The following AKAP9 variants were observed in gnomAD, a reference collection of about 807,000 sequenced individuals.
The protein encoded by AKAP9 is A-kinase anchoring protein 9, also known as A-kinase anchor protein 9.
A neutral mutation model predicts 488.5 loss-of-function variants in AKAP9; 311 were observed. The observed-to-expected ratio is 0.64, with a 90% CI of 0.58 to 0.70. AKAP9 has a LOEUF of 0.70. Ranked by LOEUF, AKAP9 falls within the 30% of genes least tolerant of loss-of-function variation. The probability of loss-of-function intolerance (pLI) is 0.00; values close to 1 mark genes in which losing one functional copy is unlikely to be tolerated. For missense variants in AKAP9, 4,215 were observed against 4,374.5 expected, an observed-to-expected ratio of 0.96 and a Z score of 1.03; for synonymous variants, 1,462 against 1,483.5, an observed-to-expected ratio of 0.99 and a Z score of 0.33.
chr7:91,952,162 A>G (rs909654172), intron 1 of AKAP9, among the ~76,000 whole-genome samples: 1 of 152,186 alleles, frequency 6.6e-6, no homozygotes, highest in Non-Finnish European at 1.5e-5. Flanking sequence ...AGTCAGTGGG[A>G]ATTCAGAGAT....
Position 92,077,885 on chromosome 7 carries a change from TTTAAAATTGA to T in AKAP9, c.6945+14_6945+23del. On this transcript the variant is annotated intron_variant, in intron 30 of 49. Coordinates refer to ENST00000356239, the MANE Select transcript of AKAP9 (RefSeq NM_005751.5). The stretch of plus-strand genomic sequence containing the variant: ...TACAACAGATAACAAGGTATACTCA[TTTAAAATTGA>T]TTATGAAATTAATATGAACCAGAGT... 1 of 1,594,746 alleles carries T rather than the reference TTTAAAATTGA, an allele frequency of 6.3e-7. No homozygotes were observed. Among genetic ancestry groups the T allele is most frequent in the Non-Finnish European group, 8.6e-7 (1 of 1,165,988 alleles).
intron 16 of AKAP9, among the ~76,000 whole-genome samples, chr7:92,032,364 C>T (rs545422601): frequency 3.3e-5 from 5 of 152,058 alleles, no homozygotes; most frequent in South Asian, 2.1e-4. Context: ...GGCGTGGTGA[C>T]GCATGTCTGT....
chr7:91,964,471 A>G (rs1435561623), intron 1 of AKAP9, among the ~76,000 whole-genome samples: 1 of 152,168 alleles, frequency 6.6e-6, no homozygotes, highest in Non-Finnish European at 1.5e-5. Context: ...CTGATCCAGT[A>G]TTAAAAACAT....
Position 92,070,029 on chromosome 7 carries a change from G to A in AKAP9, c.6331-1G>A. The A allele has an allele frequency of 6.2e-7, 1 of 1,612,118 alleles. No individual in the cohort carries two copies. Among genetic ancestry groups the A allele is most frequent in the Non-Finnish European group, 8.5e-7 (1 of 1,179,530 alleles). On this transcript the variant is annotated splice_acceptor_variant, in intron 26 of 49. Coordinates refer to ENST00000356239, the MANE Select transcript of AKAP9 (RefSeq NM_005751.5). LOFTEE classifies it high-confidence loss of function. ...TAAATTTTTTGCCTCTTATATTTCA[G>A]GTTGAACAGTTAGCAAATCATCTGA...
chr7:92,025,174 G>C (rs1802924622), intron 14 of AKAP9, among the ~76,000 whole-genome samples: 1 of 152,224 alleles, frequency 6.6e-6, no homozygotes, highest in East Asian at 1.9e-4. Flanking sequence ...TAATTAGGAA[G>C]AACTTTCTAA....
intron 44 of AKAP9, 134 bp from the exon 45 acceptor site, chr7:92,100,722 A>T: frequency 1.0e-6 from 1 of 956,262 alleles, no homozygotes. Flanking sequence ...CGTAATGTCA[A>T]TTGAGATTGG....
intron 3 of AKAP9, among the ~76,000 whole-genome samples, chr7:91,982,415 C>G (rs1052964744): frequency 6.6e-6 from 1 of 151,836 alleles, no homozygotes; most frequent in Non-Finnish European, 1.5e-5. Flanking sequence ...ATGTTCAATT[C>G]CCACCTATGA....
chr7:91,963,520 A>ACACC (rs1794030028), intron 1 of AKAP9, among the ~76,000 whole-genome samples: 1 of 150,280 alleles, frequency 6.7e-6, no homozygotes, highest in Non-Finnish European at 1.5e-5. Context: ...ACACACACAC[A>ACACC]CACACACATA....
At chr7:91,962,137 A>G (rs1000731610) in intron 1 of AKAP9, among the ~76,000 whole-genome samples, 1 of 152,176 alleles carries the variant, frequency 6.6e-6, no homozygotes, top group African/African-American at 2.4e-5. Context: ...TCAGTATAAG[A>G]TGATTACCTA....
chr7:92,021,898 G>A (rs1802368197), intron 12 of AKAP9, among the ~76,000 whole-genome samples: 1 of 152,110 alleles, frequency 6.6e-6, no homozygotes, highest in Admixed American at 6.5e-5. Context: ...AATTTATTAT[G>A]TATGAATTGA....
intron 22 of AKAP9, among the ~76,000 whole-genome samples, chr7:92,057,219 A>T (rs939529519): frequency 2.6e-5 from 4 of 152,128 alleles, no homozygotes; most frequent in African/African-American, 7.2e-5. Context: ...TGCTTGAAAG[A>T]TGAGTAATAT....
chr7:91,996,394 C>G (rs933985097), intron 7 of AKAP9, among the ~76,000 whole-genome samples: 2 of 152,108 alleles, frequency 1.3e-5, no homozygotes, highest in African/African-American at 4.8e-5. Flanking sequence ...AAAGGGAAAT[C>G]AAGGTTCAGA....
chr7:92,060,869 G>A (rs981613883), intron 22 of AKAP9, among the ~76,000 whole-genome samples: 1 of 152,052 alleles, frequency 6.6e-6, no homozygotes, highest in African/African-American at 2.4e-5. Context: ...AATACTAAAT[G>A]TAGAAGAAAG....
chr7:92,098,980 AC>A (rs1817097641), intron 43 of AKAP9, among the ~76,000 whole-genome samples: 1 of 152,152 alleles, frequency 6.6e-6, no homozygotes, highest in Admixed American at 6.5e-5. Context: ...GGGGAAATGT[AC>A]CCCATAGTGA....
At chr7:92,064,265 G>A (rs1390882128) in intron 24 of AKAP9, among the ~76,000 whole-genome samples, 1 of 151,946 alleles carries the variant, frequency 6.6e-6, no homozygotes, top group East Asian at 1.9e-4. Context: ...TGTTTTAAAA[G>A]GAAAGCTGTT....
At position 91,995,883 on chromosome 7, in the gene AKAP9, G is replaced by C. The variant is rs566494216; in HGVS notation, c.930+83G>C. 9.3e-5 allele frequency: 93 copies of C among 1,002,876 alleles called. No individual in the cohort carries two copies. In the East Asian group the frequency reaches 2.1e-3, roughly 23 times the overall value. The allele number at this position is 1,002,876 out of a possible 1,614,324, so 62.1% of individuals were successfully genotyped here. A position where few individuals can be genotyped will look rare whatever the true frequency, so the allele number is the denominator to read the frequency against. On this transcript the variant is annotated intron_variant, in intron 7 of 49. Transcript: ENST00000356239. The stretch of plus-strand genomic sequence containing the variant: ...TTATGCAAGTGGTTTTTTTTTGTTA[G>C]GCACATGAATCACAAAATTTCATAA...
At position 92,102,680 on chromosome 7, in the gene AKAP9, G is replaced by A. The variant is rs763312542; in HGVS notation, c.11184G>A (p.Gly3728=). Residue 3728 remains glycine (G), a synonymous_variant, in exon 46 of 50, where the codon GGG becomes GGA. Coordinates refer to ENST00000356239, the MANE Select transcript of AKAP9 (RefSeq NM_005751.5). ...AATACCTGCTGCTGTTACTGGGTGG[G>A]TTCCAGGAATGTGAAGATGCCACCT... ...QKKYLLLLLG[G]FQECEDATLA... is the part of the protein sequence containing the mutation. The A allele has an allele frequency of 9.3e-6, 15 of 1,614,202 alleles. No homozygotes were observed. The highest frequency in any genetic ancestry group is 8.9e-5 in the East Asian group (4 of 44,880).
intron 22 of AKAP9, among the ~76,000 whole-genome samples, chr7:92,060,510 C>T (rs905933132): frequency 5.9e-5 from 9 of 152,116 alleles, no homozygotes; most frequent in African/African-American, 1.9e-4. Context: ...TTTCACACAG[C>T]TCATTTAGTA....
At position 92,076,860 on chromosome 7, in the gene AKAP9, A is replaced by G. The variant is rs1584447100; in HGVS notation, c.6618A>G (p.Thr2206=). 6.9e-7 allele frequency: 1 copy of G among 1,455,250 alleles called. No individual in the cohort carries two copies. Among genetic ancestry groups the G allele is most frequent in the African/African-American group, 1.4e-5 (1 of 70,494 alleles). 90.1% of individuals were successfully genotyped at this position (1,455,250 alleles called of 1,614,324 possible). A position where few individuals can be genotyped will look rare whatever the true frequency, so the allele number is the denominator to read the frequency against. ...DAIDRKEKEI[T]NLEEQLEQFR... ...TGATAATTTTGTTATTAAAGATTAC[A>G]AACTTAGAAGAGCAATTAGAACAGT... is the stretch of plus-strand genomic sequence containing the variant. The change falls in exon 29 of 50, where the codon ACA becomes ACG. Residue 2206 remains threonine (T), a synonymous_variant. Transcript: ENST00000356239.
Sources: gnomAD v4.1 joint callset for allele counts (sites outside exome capture counted in the v4.1 genomes callset) on GRCh38, gnomAD v4.1.1 for gene constraint, MANE v1.5 for transcripts, NCBI Gene and HGNC (gene_info 2026-07-23, HGNC 2026-07-21) for gene names.